IMPDH1: variants seen among roughly 807,000 people sequenced by gnomAD.
IMPDH1 encodes the protein inosine monophosphate dehydrogenase 1.
A neutral mutation model predicts 73.5 loss-of-function variants in IMPDH1; 41 were observed. The observed-to-expected ratio is 0.56, with a 90% CI of 0.43 to 0.72. The LOEUF is 0.72. Ranked by LOEUF, IMPDH1 falls within the 30% of genes least tolerant of loss-of-function variation. The pLI is 0.00. For missense variants in IMPDH1, 645 were observed against 824.8 expected (o/e 0.78, Z 2.67); for synonymous variants, 318 against 334.3 (o/e 0.95, Z 0.53).
rs1467379359 is a variant in IMPDH1 at position 128,396,686 on chromosome 7, G to A, written c.1175C>T (p.Ala392Val). The change falls in exon 12 of 17, where the codon GCA (alanine) becomes GTA (valine). Residue 392 changes from alanine to valine, a missense_variant. Coordinates refer to ENST00000338791, the MANE Select transcript of IMPDH1 (RefSeq NM_000883.4). The surrounding 1 kb of genome is among the most constrained non-coding windows in gnomAD (Gnocchi z 4.0). ...LQVIGGNVVT[A>V]AQAKNLIDAG... The stretch of plus-strand genomic sequence containing the variant: ...ATCAATCAGGTTCTTGGCCTGGGCT[G>A]CTGTCACCACTGGGGGTGGGGATGG... 6.4e-7 allele frequency: 1 copy of A among 1,552,418 alleles called. No homozygotes were observed. The highest frequency in any genetic ancestry group is 8.7e-7 in the Non-Finnish European group (1 of 1,147,410).
rs1012400956 is a variant in IMPDH1 at position 128,405,683 on chromosome 7, G to T, written c.353+84C>A. The T allele has an allele frequency of 7.5e-6, 11 of 1,470,976 alleles. No homozygotes were observed. The African/African-American group carries it at 1.3e-4, about 18-fold the overall frequency. 91.1% of individuals were successfully genotyped at this position (1,470,976 alleles called of 1,614,324 possible). A position where few individuals can be genotyped will look rare whatever the true frequency, so the allele number is the denominator to read the frequency against. ...GCACTCGCACCGGGCAGGGAACGCC[G>T]GGGGAGCCGCGCACGTGCAGGGCCG... On this transcript the variant is annotated intron_variant, in intron 4 of 16. Coordinates refer to ENST00000338791, the MANE Select transcript of IMPDH1 (RefSeq NM_000883.4).
In IMPDH1 at chr7:128,400,751, G is replaced by A. The variant is rs1047120695; in HGVS notation, c.579+66C>T. 4.3e-6 allele frequency: 6 copies of A among 1,398,434 alleles called. No homozygotes were observed. In the Admixed American group the frequency reaches 6.7e-5, roughly 16 times the overall value. The allele number at this position is 1,398,434 out of a possible 1,614,324, so 86.6% of individuals were successfully genotyped here. On this transcript the variant is annotated intron_variant, in intron 7 of 16. Transcript: ENST00000338791. ...TAGCAGTGCAGGGCTGGCAGGGGAG[G>A]CTGGGAGGGCCTCTGAGGTGGGGAC...
At chr7:128,406,263 AG>A (rs1798755409) in intron 3 of IMPDH1, among the ~76,000 whole-genome samples, 1 of 65,028 alleles carries the variant, frequency 1.5e-5, no homozygotes, top group Non-Finnish European at 3.1e-5. Flanking sequence ...CCAGCCACCC[AG>A]GACCCCCCAG....
Position 128,409,451 on chromosome 7 carries a change from T to G in IMPDH1, c.180A>C (p.Thr60=). The part of the protein sequence containing the change: ...PRLDLATHPT[T]PRSELSSVVL... ...AGGAGTTGGAGCCACCTGAACGGGGTGTCGTCGGGTGTGTAGCGAGGTCCA... is the reference window on the plus strand; with the variant it reads ...AGGAGTTGGAGCCACCTGAACGGGGGGTCGTCGGGTGTGTAGCGAGGTCCA... Residue 60 remains threonine, a synonymous_variant, in exon 2 of 17, where the codon ACA becomes ACC. Coordinates refer to ENST00000338791, the MANE Select transcript of IMPDH1 (RefSeq NM_000883.4). 1 of 1,614,130 alleles carries G rather than the reference T, an allele frequency of 6.2e-7. No homozygotes were observed. The highest frequency in any genetic ancestry group is 8.5e-7 in the Non-Finnish European group (1 of 1,180,002).
At position 128,405,881 on chromosome 7, in the gene IMPDH1, G is replaced by C. The variant is rs1441430805; in HGVS notation, c.255-16C>G. The C allele has an allele frequency of 6.6e-7, 1 of 1,516,150 alleles. No individual in the cohort carries two copies. The highest frequency in any genetic ancestry group is 8.8e-7 in the Non-Finnish European group (1 of 1,133,808). The allele number at this position is 1,516,150 out of a possible 1,614,324, so 93.9% of individuals were successfully genotyped here. On this transcript the variant is annotated splice_polypyrimidine_tract_variant and intron_variant, in intron 3 of 16. Coordinates refer to ENST00000338791, the MANE Select transcript of IMPDH1 (RefSeq NM_000883.4). Reference sequence around the variant, plus strand: ...GTCCGCCATGCTGCCGCGAGACCCCGCGACCCGACATAAACACCCGCGCGG... The same window carrying C: ...GTCCGCCATGCTGCCGCGAGACCCCCCGACCCGACATAAACACCCGCGCGG...
Position 128,392,749 on chromosome 7 carries a change from G to A in IMPDH1, c.*258C>T, listed in dbSNP as rs886061981. On this transcript the variant is annotated 3_prime_UTR_variant, in exon 17 of 17. Coordinates refer to ENST00000338791, the MANE Select transcript of IMPDH1 (RefSeq NM_000883.4). ...GCAGCAAGAAAGACCTGAGGCAGGC[G>A]CAGGGCCTGAGAGCCTGGCTGGCTG... 1.1e-5 allele frequency: 6 copies of A among 522,900 alleles called. No homozygotes were observed. The highest frequency in any genetic ancestry group is 3.3e-5 in the East Asian group (1 of 30,500). The allele number at this position is 522,900 out of a possible 1,614,324, so 32.4% of individuals were successfully genotyped here.
At position 128,401,106 on chromosome 7, in the gene IMPDH1, G is replaced by A; in HGVS notation, c.413C>T (p.Ser138Leu). 6.2e-7 allele frequency: 1 copy of A among 1,613,350 alleles called. No homozygotes were observed. The highest frequency in any genetic ancestry group is 8.5e-7 in the Non-Finnish European group (1 of 1,179,710). Residue 138 changes from serine to leucine, a missense_variant, in exon 6 of 17, where the codon TCA becomes TTA. By Grantham distance (145) the Ser-to-Leu change is moderately radical. Around this residue, in one of 2 missense-constraint regions of IMPDH1, gnomAD observed 459 missense variants for 638.2 expected, o/e 0.72. Coordinates refer to ENST00000338791, the MANE Select transcript of IMPDH1 (RefSeq NM_000883.4). ...CAGCGTGATCTTCCGGGTCAGGGCT[G>A]AGGTCAGGTCCTGAGGATGGAGGCA... is the stretch of plus-strand genomic sequence containing the variant. ...DFIADEVDLT[S>L]ALTRKITLKT...
At chr7:128,406,437 C>T (rs1251339257) in intron 3 of IMPDH1, among the ~76,000 whole-genome samples, 1 of 151,552 alleles carries the variant, frequency 6.6e-6, no homozygotes, top group African/African-American at 2.4e-5. Flanking sequence ...GATCAAGGCC[C>T]GGAGCCCTGA....
At chr7:128,403,655 C>T in intron 5 of IMPDH1, 51 bp downstream of exon 5, 2 of 1,548,158 alleles carry the variant, frequency 1.3e-6, no homozygotes, top group Non-Finnish European at 1.8e-6. Flanking sequence ...AAGTCAGCCT[C>T]TTCCACCACA....
chr7:128,397,145 C>A, intron 10 of IMPDH1, 123 bp from the exon 11 acceptor site: 1 of 618,264 alleles, frequency 1.6e-6, no homozygotes, highest in Non-Finnish European at 2.8e-6. Context: ...CTCTTTCCTT[C>A]TGGTTGTTTT....
At chr7:128,403,668 C>G in intron 5 of IMPDH1, 38 bp downstream of exon 5, 1 of 1,591,260 alleles carries the variant, frequency 6.3e-7, no homozygotes, top group Non-Finnish European at 8.6e-7. Flanking sequence ...CCACCACATA[C>G]ACAGCCCCCT....
chr7:128,405,709 G>C (rs1798679410), intron 4 of IMPDH1, 58 bp downstream of exon 4: 1 of 1,506,936 alleles, frequency 6.6e-7, no homozygotes, highest in Non-Finnish European at 8.9e-7. Flanking sequence ...TGCAGGGCCG[G>C]CCCGGGGGTC....
rs1296294583 is a variant in IMPDH1 at position 128,409,891 on chromosome 7, G to A, written c.11C>T (p.Pro4Leu). The A allele has an allele frequency of 2.0e-5, 29 of 1,437,892 alleles. No homozygotes were observed. The highest frequency in any genetic ancestry group is 2.5e-5 in the Non-Finnish European group (28 of 1,099,576). 89.1% of individuals were successfully genotyped at this position (1,437,892 alleles called of 1,614,324 possible). A position where few individuals can be genotyped will look rare whatever the true frequency, so the allele number is the denominator to read the frequency against. The change falls in exon 1 of 17, where the codon CCA becomes CTA. Residue 4 changes from proline to leucine, a missense_variant. Physicochemically the swap from Pro to Leu is moderately conservative, Grantham distance 98. Coordinates refer to ENST00000338791, the MANE Select transcript of IMPDH1 (RefSeq NM_000883.4). ...TCCCTGCAGCGGTGGTGGAGTGAGTGGCCCCTCCATGCGGAGGCCGCAGCT... is the reference window on the plus strand; with the variant it reads ...TCCCTGCAGCGGTGGTGGAGTGAGTAGCCCCTCCATGCGGAGGCCGCAGCT... MEG[P>L]LTPPPLQGGG...
At chr7:128,402,694 T>C (rs1562996515) in intron 5 of IMPDH1, among the ~76,000 whole-genome samples, 1 of 112,706 alleles carries the variant, frequency 8.9e-6, no homozygotes, top group African/African-American at 2.8e-5. Context: ...GCAATAATAA[T>C]AGCAACAGAA....
At chr7:128,400,779 C>T (rs1798276961) in intron 7 of IMPDH1, 38 bp downstream of exon 7, 1 of 1,582,700 alleles carries the variant, frequency 6.3e-7, no homozygotes, top group African/African-American at 1.3e-5. Context: ...GTGGGGACTG[C>T]CAGGTGGCAT....
intron 4 of IMPDH1, among the ~76,000 whole-genome samples, chr7:128,403,962 CA>C (rs772834324): frequency 6.6e-6 from 1 of 152,230 alleles, no homozygotes; most frequent in Non-Finnish European, 1.5e-5. Flanking sequence ...GAGCTAGAGC[CA>C]AAGACAGCGA....
intron 5 of IMPDH1, among the ~76,000 whole-genome samples, chr7:128,401,815 G>GC (rs1312247449): frequency 1.3e-5 from 2 of 152,114 alleles, no homozygotes; most frequent in African/African-American, 2.4e-5. Context: ...GGTCAGGATT[G>GC]CAAGTATCCA....
At position 128,392,645 on chromosome 7, in the gene IMPDH1, TA is replaced by T; in HGVS notation, c.*361del. On this transcript the variant is annotated 3_prime_UTR_variant, in exon 17 of 17. Transcript: ENST00000338791. ...AGGAGAGCACCATTTCCTGGGAGGC[TA>T]GGGGCAGGGAGGTGCCCTACAGGAG... 1 of 277,716 alleles carries T rather than the reference TA, an allele frequency of 3.6e-6. No individual in the cohort carries two copies. The highest frequency in any genetic ancestry group is 7.0e-6 in the Non-Finnish European group (1 of 143,712). The allele number at this position is 277,716 out of a possible 1,614,324, so 17.2% of individuals were successfully genotyped here.
rs766776530 is a variant in IMPDH1, at chr7:128,400,479, C to T, written c.640G>A (p.Asp214Asn). The T allele has an allele frequency of 2.9e-5, 46 of 1,612,520 alleles. No homozygotes were observed. Among genetic ancestry groups the T allele is most frequent in the African/African-American group, 4.0e-5 (3 of 74,898 alleles). Residue 214 changes from aspartate to asparagine, a missense_variant, in exon 8 of 17, where the codon GAT becomes AAT. Asp to Asn is a conservative substitution (Grantham distance 23). This residue lies in a region of IMPDH1 where 459 missense variants were observed against 638.2 expected (regional missense o/e 0.72). Transcript: ENST00000338791. Reference sequence around the variant, plus strand: ...TGCCGCATCTTGGCCTCCAGCACATCGCCCACAGTGTGCGAGGGGCTCAGC... The same window carrying T: ...TGCCGCATCTTGGCCTCCAGCACATTGCCCACAGTGTGCGAGGGGCTCAGC... ...VVLSPSHTVG[D>N]VLEAKMRHGF... is the part of the protein sequence containing the mutation.
Sources: gnomAD v4.1 joint callset for allele counts (sites outside exome capture counted in the v4.1 genomes callset) on GRCh38, gnomAD v4.1.1 for gene constraint, gnomAD v4.1.1 regional missense constraint, Gnocchi (gnomAD v3.1) non-coding constraint, MANE v1.5 for transcripts, NCBI Gene and HGNC (gene_info 2026-07-23, HGNC 2026-07-21) for gene names.